CDH13: variants seen among roughly 807,000 people sequenced by gnomAD.
CDH13 encodes cadherin-13.
Under a neutral mutation model 63.8 loss-of-function variants are expected in CDH13, and 24 were observed. The observed-to-expected ratio is 0.38, with a 90% CI of 0.27 to 0.53. CDH13 has a LOEUF of 0.53. Ranked by LOEUF, CDH13 falls within the 20% of genes least tolerant of loss-of-function variation. CDH13 has a pLI of 0.85. For missense variants in CDH13, 1,049 were observed against 903.1 expected (o/e 1.16, Z -2.07); for synonymous variants, 503 against 355.3 (o/e 1.42, Z -4.67).
At chr16:82,705,790 G>C (rs1013757834) in intron 1 of CDH13, among the ~76,000 whole-genome samples, 1 of 152,182 alleles carries the variant, frequency 6.6e-6, no homozygotes, top group Non-Finnish European at 1.5e-5. Context: ...AGACTTGATT[G>C]TGCTTCTCAT....
At chr16:83,126,997 G>A (rs932500019) in intron 4 of CDH13, among the ~76,000 whole-genome samples, 1 of 152,174 alleles carries the variant, frequency 6.6e-6, no homozygotes, top group Non-Finnish European at 1.5e-5. Context: ...TCACGCAGAT[G>A]GCTGTGATGG....
chr16:82,795,858 C>T (rs894469281), intron 1 of CDH13, among the ~76,000 whole-genome samples: 1 of 152,054 alleles, frequency 6.6e-6, no homozygotes, highest in Non-Finnish European at 1.5e-5. Context: ...ATCCCTGCAT[C>T]TCCATCTCTC....
intron 6 of CDH13, among the ~76,000 whole-genome samples, chr16:83,379,844 A>C (rs936075721): frequency 2.0e-5 from 3 of 151,628 alleles, no homozygotes; most frequent in Admixed American, 2.0e-4. Flanking sequence ...AATATTATAT[A>C]AATATATAAC....
chr16:82,883,997 A>C (rs1470353571), intron 2 of CDH13, among the ~76,000 whole-genome samples: 1 of 152,106 alleles, frequency 6.6e-6, no homozygotes, highest in East Asian at 1.9e-4. Context: ...CTTGATTATC[A>C]TACCCCCATC....
intron 1 of CDH13, among the ~76,000 whole-genome samples, chr16:82,728,320 T>C (rs989813901): frequency 6.6e-6 from 1 of 152,156 alleles, no homozygotes; most frequent in South Asian, 2.1e-4. Context: ...TTTACCCTTA[T>C]GGGCTTGTTC....
chr16:83,329,433 C>T (rs1034715714), intron 5 of CDH13, among the ~76,000 whole-genome samples: 1 of 150,954 alleles, frequency 6.6e-6, no homozygotes, highest in Admixed American at 6.6e-5. Flanking sequence ...GATGGGGTTT[C>T]GCCATGTTGG....
At chr16:83,042,751 G>A (rs994362759) in intron 3 of CDH13, among the ~76,000 whole-genome samples, 16 of 152,130 alleles carry the variant, frequency 1.1e-4, no homozygotes, top group South Asian at 2.1e-4. Flanking sequence ...TCTCTAAACC[G>A]TCTCACATTG....
intron 1 of CDH13, among the ~76,000 whole-genome samples, chr16:82,721,650 G>A (rs1200675181): frequency 6.6e-6 from 1 of 152,142 alleles, no homozygotes; most frequent in African/African-American, 2.4e-5. Flanking sequence ...AGGAGAGTGT[G>A]GCAAGAAATG....
intron 2 of CDH13, among the ~76,000 whole-genome samples, chr16:82,999,429 T>C (rs1912617610): frequency 6.6e-6 from 1 of 151,244 alleles, no homozygotes; most frequent in Admixed American, 6.6e-5. Flanking sequence ...GGAAGAAATA[T>C]CATAACCACA....
At chr16:82,638,202 C>G (rs1468432756) in intron 1 of CDH13, among the ~76,000 whole-genome samples, 1 of 152,166 alleles carries the variant, frequency 6.6e-6, no homozygotes, top group Non-Finnish European at 1.5e-5. Context: ...GAGGTGAACA[C>G]GACAGTCCAG....
At chr16:83,649,718 G>A (rs1912182874) in intron 8 of CDH13, among the ~76,000 whole-genome samples, 1 of 152,252 alleles carries the variant, frequency 6.6e-6, no homozygotes, top group South Asian at 2.1e-4. Context: ...GGTTGGGGAT[G>A]CTGAACACGG....
chr16:82,697,392 A>G (rs1410041544), intron 1 of CDH13, among the ~76,000 whole-genome samples: 1 of 122,820 alleles, frequency 8.1e-6, no homozygotes, highest in African/African-American at 3.0e-5. Context: ...TCCTTTAATC[A>G]CCTTTAAGGG....
intron 10 of CDH13, among the ~76,000 whole-genome samples, chr16:83,742,094 C>A (rs1225017869): frequency 1.3e-5 from 2 of 152,246 alleles, no homozygotes; most frequent in Non-Finnish European, 2.9e-5. Context: ...AACCTTTGAT[C>A]TCTTTCACCT....
chr16:83,465,506 T>C (rs1436110589), intron 6 of CDH13, among the ~76,000 whole-genome samples: 1 of 152,230 alleles, frequency 6.6e-6, no homozygotes, highest in Non-Finnish European at 1.5e-5. Context: ...CAGCCGGTTT[T>C]ATTAAGATGG....
intron 2 of CDH13, among the ~76,000 whole-genome samples, chr16:82,943,496 G>A (rs770279898): frequency 1.5e-4 from 23 of 152,082 alleles, no homozygotes; most frequent in Non-Finnish European, 2.1e-4. Flanking sequence ...GTGATTATTC[G>A]CATAAGACCC....
chr16:83,319,520 G>A (rs567383143), intron 5 of CDH13, among the ~76,000 whole-genome samples: 3 of 152,300 alleles, frequency 2.0e-5, no homozygotes, highest in African/African-American at 7.2e-5. Context: ...GAATATCGGA[G>A]AACAGTAAAT....
chr16:82,822,704 A>C (rs2038061264), intron 1 of CDH13, among the ~76,000 whole-genome samples: 1 of 152,194 alleles, frequency 6.6e-6, no homozygotes, highest in Admixed American at 6.5e-5. Flanking sequence ...TGTGTTACCC[A>C]GGTTAGTCTT....
At chr16:83,323,201 T>C (rs965574697) in intron 5 of CDH13, among the ~76,000 whole-genome samples, 11 of 147,390 alleles carry the variant, frequency 7.5e-5, no homozygotes, top group African/African-American at 2.8e-4. Context: ...TTTCTTTCTT[T>C]CTTTCTTTCT....
intron 5 of CDH13, among the ~76,000 whole-genome samples, chr16:83,306,768 G>T (rs1445417170): frequency 2.0e-5 from 3 of 152,112 alleles, no homozygotes; most frequent in Non-Finnish European, 4.4e-5. Flanking sequence ...AGAAATGTGG[G>T]TTGTATCCCA....
Sources: gnomAD v4.1 joint callset for allele counts (sites outside exome capture counted in the v4.1 genomes callset) on GRCh38, gnomAD v4.1.1 for gene constraint, MANE v1.5 for transcripts, NCBI Gene and HGNC (gene_info 2026-07-23, HGNC 2026-07-21) for gene names.